Variants in GLRB observed in about 807,000 individuals in gnomAD.
GLRB encodes the protein glycine receptor subunit beta.
In GLRB, 33 loss-of-function variants were observed where a neutral mutation model predicts 54.2. That is an observed-to-expected ratio of 0.61 (90% CI 0.46 to 0.81). GLRB has a LOEUF of 0.81. GLRB is among the 40% of genes least tolerant of loss of function. The pLI is 0.00. For missense variants in GLRB, 572 were observed against 584.6 expected (o/e 0.98, Z 0.22); for synonymous variants, 209 against 208.2 (o/e 1.00, Z -0.03).
chr4:157,131,753 T>G lies in GLRB; in HGVS notation c.298-4716T>G, dbSNP rs545979786. On this transcript the variant is annotated intron_variant, in intron 4 of 9. Transcript: ENST00000264428. Reference sequence around the variant, plus strand: ...TGTTTCACCATATCTTCTCATGGCTTGATTGTTCAGTTCTTTTTAACACTG... The same window carrying G: ...TGTTTCACCATATCTTCTCATGGCTGGATTGTTCAGTTCTTTTTAACACTG... Among the ~76,000 whole-genome samples the G allele has an allele frequency of 1.7e-3, 261 of 151,960 alleles. 2 individuals carry two copies. The highest frequency in any genetic ancestry group is 6.8e-3 in the Middle Eastern group (2 of 294).
intron 9 of GLRB, among the ~76,000 whole-genome samples, chr4:157,159,652 T>A (rs563157780): frequency 6.6e-6 from 1 of 152,318 alleles, no homozygotes; most frequent in South Asian, 2.1e-4. Flanking sequence ...TTTGCATATG[T>A]TGAACCAGCC....
intron 5 of GLRB, 44 bp from the exon 6 acceptor site, chr4:157,136,760 G>A (rs1250741081): frequency 6.7e-7 from 1 of 1,497,662 alleles, no homozygotes; most frequent in Non-Finnish European, 9.3e-7. Context: ...ATGGATGACA[G>A]AGAAGTATAT....
rs757163799 is a variant in GLRB at position 157,136,540 on chromosome 4, G to A, written c.369G>A (p.Arg123=). 14 of 1,612,580 alleles carry A rather than the reference G, an allele frequency of 8.7e-6. No homozygotes were observed. In the African/African-American group the frequency reaches 1.6e-4, roughly 18 times the overall value. Residue 123 remains arginine, a synonymous_variant, in exon 5 of 10, where the codon AGG becomes AGA. Coordinates refer to ENST00000264428, the MANE Select transcript of GLRB (RefSeq NM_000824.5). ...GGCTGAAGCTCCCCAGTGATTTTAG[G>A]GGTTCAGATGCACTGACAGTGGATC... ...DPRLKLPSDF[R]GSDALTVDPT...
chr4:157,171,641 T>A lies in GLRB; in HGVS notation c.*913T>A, dbSNP rs1737926929. The A allele has an allele frequency of 6.6e-6, 1 of 152,374 alleles. No individual in the cohort carries two copies. 9.4% of individuals were successfully genotyped at this position (152,374 alleles called of 1,614,324 possible). ...AAGTTGAAAAAGAAATCCATAACTA[T>A]TAAAAGATTTTAACTTTTTTATTTT... On this transcript the variant is annotated 3_prime_UTR_variant, in exon 10 of 10. Coordinates refer to ENST00000264428, the MANE Select transcript of GLRB (RefSeq NM_000824.5).
chr4:157,138,098 G>A (rs1489539368), intron 6 of GLRB, among the ~76,000 whole-genome samples: 1 of 152,242 alleles, frequency 6.6e-6, no homozygotes, highest in African/African-American at 2.4e-5. Context: ...TTAAAACAGA[G>A]TCTTGCTCTG....
chr4:157,078,311 G>A, intron 2 of GLRB, 165 bp downstream of exon 2: 7 of 720,382 alleles, frequency 9.7e-6, no homozygotes, highest in African/African-American at 1.9e-5. Context: ...GGTTTAGAAT[G>A]TAAGAATTAA....
chr4:157,145,226 T>C (rs570711695), intron 8 of GLRB, among the ~76,000 whole-genome samples: 27 of 152,318 alleles, frequency 1.8e-4, no homozygotes, highest in Admixed American at 1.6e-3. Flanking sequence ...TGATACCAGG[T>C]TCCTGAGCTG....
intron 3 of GLRB, among the ~76,000 whole-genome samples, chr4:157,122,027 T>TA (rs1037368918): frequency 8.0e-4 from 121 of 150,538 alleles, no homozygotes; most frequent in African/African-American, 2.8e-3. Context: ...TAGGGCAATT[T>TA]AAAAAAAGAT....
chr4:157,114,648 C>T (rs4326060), intron 2 of GLRB, among the ~76,000 whole-genome samples: 3,649 of 151,692 alleles, frequency 0.024, 57 homozygotes, highest in African/African-American at 0.046. Flanking sequence ...TTCTCTTGGC[C>T]GTGACAGTCA....
chr4:157,144,106 T>C (rs1054242396), intron 8 of GLRB, 147 bp downstream of exon 8: 63 of 774,018 alleles, frequency 8.1e-5, no homozygotes, highest in Middle Eastern at 7.1e-4. Context: ...AAACTTGATA[T>C]TGAACTAGAT....
At position 157,152,990 on chromosome 4, in the gene GLRB, G is replaced by C. The variant is rs756482232; in HGVS notation, c.1177G>C (p.Val393Leu). The part of the protein sequence containing the change: ...KNTVNGTGTP[V>L]HISTLQVGET... ...TACTGTGAATGGAACAGGGACTCCT[G>C]TTCATATTAGCACTTTGCAGGTAAG... The change falls in exon 9 of 10, where the codon GTT becomes CTT. Residue 393 changes from valine to leucine, a missense_variant. Physicochemically the swap from Val to Leu is conservative, Grantham distance 32. Transcript: ENST00000264428. 5 of 1,613,490 alleles carry C rather than the reference G, an allele frequency of 3.1e-6. No individual in the cohort carries two copies. The African/African-American group carries it at 6.7e-5, about 22-fold the overall frequency.
intron 9 of GLRB, among the ~76,000 whole-genome samples, chr4:157,159,337 TG>T (rs1737373489): frequency 6.6e-6 from 1 of 152,096 alleles, no homozygotes; most frequent in Non-Finnish European, 1.5e-5. Flanking sequence ...TTCTCCTGCT[TG>T]ATTGCCTTGG....
At chr4:157,165,671 C>G (rs73856843) in intron 9 of GLRB, among the ~76,000 whole-genome samples, 9,740 of 151,726 alleles carry the variant, frequency 0.064, 400 homozygotes, top group Middle Eastern at 0.13. Context: ...TTCAGTCATT[C>G]CAATATCTTG....
chr4:157,136,427 G>C, intron 4 of GLRB, 42 bp from the exon 5 acceptor site: 1 of 1,095,944 alleles, frequency 9.1e-7, no homozygotes. Context: ...CTTAAAAATA[G>C]CAATAAACAT....
In GLRB at chr4:157,171,470, A is replaced by G. The variant is rs1737920051; in HGVS notation, c.*742A>G. 6.6e-6 allele frequency: 1 copy of G among 152,280 alleles called. No homozygotes were observed. The highest frequency in any genetic ancestry group is 1.5e-5 in the Non-Finnish European group (1 of 67,804). 9.4% of individuals were successfully genotyped at this position (152,280 alleles called of 1,614,324 possible). ...AAAATTCTATTTAATCCACCTTAAA[A>G]CCTAAATGTATTTTCATGGATTTCA... On this transcript the variant is annotated 3_prime_UTR_variant, in exon 10 of 10. Transcript: ENST00000264428.
intron 9 of GLRB, among the ~76,000 whole-genome samples, chr4:157,166,991 G>A (rs1165711857): frequency 1.3e-5 from 2 of 151,966 alleles, no homozygotes; most frequent in African/African-American, 4.8e-5. Context: ...TTGGCCATTT[G>A]TTTAGTTATT....
At chr4:157,091,408 T>C (rs1377550846) in intron 2 of GLRB, 1 of 152,236 alleles carries the variant, frequency 6.6e-6, no homozygotes, top group Non-Finnish European at 1.5e-5. Context: ...TATTATTTTC[T>C]TGATTTGTGC....
intron 9 of GLRB, among the ~76,000 whole-genome samples, chr4:157,168,071 A>C (rs1737781237): frequency 6.6e-6 from 1 of 151,804 alleles, no homozygotes; most frequent in Non-Finnish European, 1.5e-5. Context: ...TTTCAACATG[A>C]AATTTGGAGG....
intron 2 of GLRB, among the ~76,000 whole-genome samples, chr4:157,096,700 A>G (rs1257158393): frequency 8.5e-5 from 13 of 152,180 alleles, no homozygotes; most frequent in Non-Finnish European, 1.9e-4. Context: ...TTCAATGAAG[A>G]TATCATTCAA....
Sources: allele counts gnomAD v4.1 joint callset (sites outside exome capture counted in the v4.1 genomes callset), GRCh38; gene constraint gnomAD v4.1.1; transcripts MANE v1.5; gene names NCBI Gene and HGNC (gene_info 2026-07-23, HGNC 2026-07-21).